SLC4A4: variants seen among roughly 807,000 people sequenced by gnomAD.
SLC4A4 encodes solute carrier family 4 member 4, also known as electrogenic sodium bicarbonate cotransporter 1.
In SLC4A4, 27 loss-of-function variants were observed where a neutral mutation model predicts 111.5. The ratio of observed to expected loss-of-function variants is 0.24; its 90% confidence interval spans 0.18 to 0.33. SLC4A4 has a LOEUF of 0.33. SLC4A4 is among the 10% of genes least tolerant of loss of function. The pLI, the probability that SLC4A4 is intolerant of heterozygous loss-of-function variation, is 1.00. For missense variants in SLC4A4, 909 were observed against 1,315.5 expected (o/e 0.69, Z 4.78); for synonymous variants, 443 against 463.4 (o/e 0.96, Z 0.57).
chr4:71,262,654 A>T (rs889432696), intron 3 of SLC4A4, among the ~76,000 whole-genome samples: 16 of 152,166 alleles, frequency 1.1e-4, no homozygotes, highest in Non-Finnish European at 1.9e-4. Context: ...TTTCAGCGTT[A>T]AGTTCATCCT....
intron 1 of SLC4A4, among the ~76,000 whole-genome samples, chr4:71,208,568 T>A (rs1372334075): frequency 2.0e-5 from 3 of 150,894 alleles, no homozygotes; most frequent in Non-Finnish European, 4.4e-5. Context: ...ATTTATCACA[T>A]TATATTAAAA....
At chr4:71,240,601 G>A (rs1005648834) in intron 2 of SLC4A4, among the ~76,000 whole-genome samples, 1 of 152,120 alleles carries the variant, frequency 6.6e-6, no homozygotes, top group Admixed American at 6.6e-5. Flanking sequence ...TCTACTGATG[G>A]ACATTAGGAG....
At chr4:71,441,326 G>A (rs1188587874) in intron 8 of SLC4A4, among the ~76,000 whole-genome samples, 1 of 152,170 alleles carries the variant, frequency 6.6e-6, no homozygotes, top group Non-Finnish European at 1.5e-5. Flanking sequence ...TCACTGCATA[G>A]TACCTGAGAA....
intron 2 of SLC4A4, among the ~76,000 whole-genome samples, chr4:71,150,085 T>C (rs1044209967): frequency 2.0e-5 from 3 of 152,204 alleles, no homozygotes; most frequent in African/African-American, 2.4e-5. Context: ...AAACCATCTT[T>C]AATGCTTCAA....
At chr4:71,072,627 TA>T (rs1741699901) in intron 1 of SLC4A4, among the ~76,000 whole-genome samples, 1 of 152,128 alleles carries the variant, frequency 6.6e-6, no homozygotes. Flanking sequence ...ATTATGTTGA[TA>T]TTTTTATTGG....
At chr4:71,093,433 G>A (rs1357376921) in intron 2 of SLC4A4, among the ~76,000 whole-genome samples, 2 of 152,116 alleles carry the variant, frequency 1.3e-5, no homozygotes, top group African/African-American at 2.4e-5. Context: ...TTCTCAAAGT[G>A]CGGGGATTAC....
At chr4:71,529,457 G>A (rs1257861680) in intron 16 of SLC4A4, among the ~76,000 whole-genome samples, 1 of 85,922 alleles carries the variant, frequency 1.2e-5, no homozygotes, top group Non-Finnish European at 2.6e-5. Context: ...ATCTCTTGGA[G>A]TAGTGTGGCC....
intron 2 of SLC4A4, among the ~76,000 whole-genome samples, chr4:71,166,440 G>A (rs534665601): frequency 6.6e-6 from 1 of 152,178 alleles, no homozygotes; most frequent in South Asian, 2.1e-4. Context: ...GAAAGGTGAA[G>A]AGAAAATATG....
chr4:71,072,008 C>A (rs1287988066), intron 1 of SLC4A4, among the ~76,000 whole-genome samples: 1 of 152,148 alleles, frequency 6.6e-6, no homozygotes, highest in East Asian at 1.9e-4. Flanking sequence ...CTTCTACCAG[C>A]AAAGCACGAA....
At chr4:71,302,407 G>GA (rs1725345488) in intron 3 of SLC4A4, among the ~76,000 whole-genome samples, 1 of 152,136 alleles carries the variant, frequency 6.6e-6, no homozygotes, top group African/African-American at 2.4e-5. Flanking sequence ...CTGTGACTCT[G>GA]ATTTTTCTCT....
intron 1 of SLC4A4, among the ~76,000 whole-genome samples, chr4:71,188,056 A>G (rs1745570037): frequency 6.6e-6 from 1 of 152,332 alleles, no homozygotes; most frequent in Non-Finnish European, 1.5e-5. Context: ...GCTCTCCCTC[A>G]GGTACTGGGC....
intron 2 of SLC4A4, among the ~76,000 whole-genome samples, chr4:71,250,858 T>C (rs1488777982): frequency 2.0e-5 from 3 of 152,232 alleles, no homozygotes; most frequent in African/African-American, 7.2e-5. Flanking sequence ...TGGGGTTTTA[T>C]GAAGAGAACA....
At chr4:71,084,535 C>T (rs1433896988) in intron 1 of SLC4A4, among the ~76,000 whole-genome samples, 4 of 151,938 alleles carry the variant, frequency 2.6e-5, no homozygotes, top group East Asian at 1.9e-4. Context: ...GGTATATCTC[C>T]TAATGCTATC....
chr4:71,198,352 A>G (rs1188295033), intron 1 of SLC4A4, among the ~76,000 whole-genome samples: 1 of 152,194 alleles, frequency 6.6e-6, no homozygotes, highest in Non-Finnish European at 1.5e-5. Flanking sequence ...GAGTTCAATT[A>G]TCTCTTAATA....
In SLC4A4 at chr4:71,459,443, A is replaced by C. The variant is rs967487033; in HGVS notation, c.1497+5774A>C. On this transcript the variant is annotated intron_variant, in intron 12 of 25. Transcript: ENST00000264485. ...CCCATACATCTTAAAATTCATGTGTATACAGATAGATTGACATAAAGGATG... is the reference window on the plus strand; with the variant it reads ...CCCATACATCTTAAAATTCATGTGTCTACAGATAGATTGACATAAAGGATG... Among the ~76,000 whole-genome samples, 142 of 152,182 alleles carry C rather than the reference A, an allele frequency of 9.3e-4. 1 individual carries two copies. Among genetic ancestry groups the C allele is most frequent in the African/African-American group, 3.1e-3 (127 of 41,562 alleles).
chr4:71,395,614 A>G (rs1719749889), intron 6 of SLC4A4, among the ~76,000 whole-genome samples: 1 of 152,222 alleles, frequency 6.6e-6, no homozygotes, highest in African/African-American at 2.4e-5. Flanking sequence ...AATTATAATG[A>G]AAACCTCATT....
intron 16 of SLC4A4, among the ~76,000 whole-genome samples, chr4:71,517,656 G>A (rs1347725313): frequency 6.6e-6 from 1 of 151,966 alleles, no homozygotes; most frequent in Non-Finnish European, 1.5e-5. Flanking sequence ...TCCTTTAGTG[G>A]TGTCATGTTT....
intron 1 of SLC4A4, among the ~76,000 whole-genome samples, chr4:71,223,878 T>C (rs940627459): frequency 2.0e-5 from 3 of 152,092 alleles, no homozygotes; most frequent in African/African-American, 4.8e-5. Context: ...TCAGATTTTC[T>C]CAGTCTGCTT....
intron 2 of SLC4A4, among the ~76,000 whole-genome samples, chr4:71,182,168 T>C (rs1222234994): frequency 6.6e-6 from 1 of 152,194 alleles, no homozygotes; most frequent in Non-Finnish European, 1.5e-5. Flanking sequence ...TTAATAAATA[T>C]TGGTTGACTG....
Sources: gnomAD v4.1 joint callset for allele counts (sites outside exome capture counted in the v4.1 genomes callset) on GRCh38, gnomAD v4.1.1 for gene constraint, MANE v1.5 for transcripts, NCBI Gene and HGNC (gene_info 2026-07-23, HGNC 2026-07-21) for gene names.